Variants in ZFAND3 observed in about 807,000 individuals in gnomAD.
The protein encoded by ZFAND3 is AN1-type zinc finger protein 3.
Under a neutral mutation model 29.6 loss-of-function variants are expected in ZFAND3, and 10 were observed. The observed-to-expected ratio is 0.34, with a 90% CI of 0.21 to 0.57. ZFAND3 has a LOEUF of 0.57. Ranked by LOEUF, ZFAND3 falls within the 20% of genes least tolerant of loss-of-function variation. The pLI is 0.86. For synonymous variants in ZFAND3, 128 were observed against 112.6 expected (o/e 1.14, Z -0.87); for missense variants, 230 against 304.5 (o/e 0.76, Z 1.82).
intron 2 of ZFAND3, among the ~76,000 whole-genome samples, chr6:38,002,592 A>G (rs1762969485): frequency 6.6e-6 from 1 of 152,070 alleles, no homozygotes; most frequent in Non-Finnish European, 1.5e-5. Context: ...TGGGAGAATC[A>G]CTTGAGCCCA....
chr6:37,952,518 A>AT (rs1368896693), intron 2 of ZFAND3, among the ~76,000 whole-genome samples: 6 of 151,462 alleles, frequency 4.0e-5, no homozygotes, highest in East Asian at 1.9e-4. Context: ...GTCTCTGATA[A>AT]TTTTTTTTTA....
chr6:37,910,136 A>C (rs1765493501), intron 1 of ZFAND3, among the ~76,000 whole-genome samples: 1 of 152,224 alleles, frequency 6.6e-6, no homozygotes, highest in Non-Finnish European at 1.5e-5. Context: ...GCATAGTAGA[A>C]TGTGGCCTCT....
intron 4 of ZFAND3, among the ~76,000 whole-genome samples, chr6:38,109,346 A>G (rs1321614349): frequency 6.6e-6 from 1 of 151,734 alleles, no homozygotes. Flanking sequence ...CTACCAGCTG[A>G]TTTTTGTATT....
chr6:37,857,369 A>G (rs1451523521), intron 1 of ZFAND3, among the ~76,000 whole-genome samples: 1 of 152,224 alleles, frequency 6.6e-6, no homozygotes, highest in African/African-American at 2.4e-5. Flanking sequence ...TGAAGCGAAT[A>G]CAAGTGAGTC....
chr6:38,061,742 GAACTGAATGT>G lies in ZFAND3; in HGVS notation c.267_276del (p.Asn90HisfsTer18). On this transcript the variant is annotated frameshift_variant, in exon 3 of 6. Coordinates refer to ENST00000287218, the MANE Select transcript of ZFAND3 (RefSeq NM_021943.3). LOFTEE classifies it high-confidence loss of function. ...TCCCAGCCAGCAGCCGCTTCCGACA[GAACTGAATGT>G]AACTTCACCGAGTAAAGAGGAGTGT... The G allele has an allele frequency of 6.2e-7, 1 of 1,614,118 alleles. No individual in the cohort carries two copies.
chr6:38,106,012 C>G (rs1765200064), intron 4 of ZFAND3, among the ~76,000 whole-genome samples: 1 of 152,142 alleles, frequency 6.6e-6, no homozygotes, highest in East Asian at 1.9e-4. Context: ...AGACAGACAA[C>G]AGCTTCATTT....
intron 5 of ZFAND3, among the ~76,000 whole-genome samples, chr6:38,126,301 G>T (rs909008563): frequency 6.6e-6 from 1 of 152,116 alleles, no homozygotes. Context: ...TTATCCATTT[G>T]CCAGTCGACA....
chr6:38,141,396 C>T (rs892973109), intron 5 of ZFAND3, among the ~76,000 whole-genome samples: 7 of 152,214 alleles, frequency 4.6e-5, no homozygotes, highest in Non-Finnish European at 8.8e-5. Flanking sequence ...TTGCAGAATA[C>T]TCAGCTGTAC....
In ZFAND3 at chr6:38,061,615, C is replaced by T. The variant is rs779516347; in HGVS notation, c.135C>T (p.Asp45=). The T allele has an allele frequency of 3.1e-6, 5 of 1,614,020 alleles. No individual in the cohort carries two copies. The highest frequency in any genetic ancestry group is 2.2e-5 in the East Asian group (1 of 44,890). The stretch of plus-strand genomic sequence containing the variant: ...CAGATTTTCAAAAGAAACAGCCAGA[C>T]GATGATTCCGCTCCAAGTACAAGTA... The part of the protein sequence containing the change: ...CFADFQKKQP[D]DDSAPSTSNS... Residue 45 remains aspartate (D), a synonymous_variant, in exon 3 of 6, where the codon GAC becomes GAT. Transcript: ENST00000287218.
chr6:38,080,139 C>T (rs1051750602), intron 3 of ZFAND3, among the ~76,000 whole-genome samples: 1 of 150,880 alleles, frequency 6.6e-6, no homozygotes, highest in African/African-American at 2.4e-5. Context: ...GGGAACATCA[C>T]ACACCAGAGC....
chr6:37,975,892 A>G (rs1762469179), intron 2 of ZFAND3, among the ~76,000 whole-genome samples: 1 of 152,144 alleles, frequency 6.6e-6, no homozygotes, highest in Non-Finnish European at 1.5e-5. Flanking sequence ...GAGTTTTAGC[A>G]TCAGTTTGTC....
intron 1 of ZFAND3, among the ~76,000 whole-genome samples, chr6:37,885,727 A>C (rs1764978327): frequency 6.6e-6 from 1 of 152,158 alleles, no homozygotes. Flanking sequence ...GTTGATGTCC[A>C]AAATTATTTC....
chr6:37,870,062 C>T (rs924852851), intron 1 of ZFAND3, among the ~76,000 whole-genome samples: 17 of 152,022 alleles, frequency 1.1e-4, no homozygotes, highest in South Asian at 4.2e-4. Flanking sequence ...CCACAAATTT[C>T]GGTACGTTGT....
At chr6:38,126,591 G>A (rs756001242) in intron 5 of ZFAND3, among the ~76,000 whole-genome samples, 2 of 152,136 alleles carry the variant, frequency 1.3e-5, no homozygotes, top group Non-Finnish European at 2.9e-5. Context: ...AGGTATTCTA[G>A]TGGCTGTGTA....
In ZFAND3 at chr6:37,884,027, A is replaced by C. The variant is rs1404873312; in HGVS notation, c.72-45932A>C. On this transcript the variant is annotated intron_variant, in intron 1 of 5. Transcript: ENST00000287218. The stretch of plus-strand genomic sequence containing the variant: ...AGGGCCCTAGAGCTCCTGGGTAGGG[A>C]AAGATGTCTAGAGTTCTGATGTATG... Among the ~76,000 whole-genome samples, 2 of 145,230 alleles carry C rather than the reference A, an allele frequency of 1.4e-5. 1 individual carries two copies. The highest frequency in any genetic ancestry group is 3.0e-5 in the Non-Finnish European group (2 of 67,474).
intron 1 of ZFAND3, among the ~76,000 whole-genome samples, chr6:37,824,430 TATAAGA>T (rs1405169553): frequency 6.6e-6 from 1 of 152,198 alleles, no homozygotes; most frequent in Non-Finnish European, 1.5e-5. Context: ...GAAAAATAAG[TATAAGA>T]ATATAGTATG....
At chr6:38,122,445 A>G (rs947692669) in intron 5 of ZFAND3, among the ~76,000 whole-genome samples, 8 of 152,216 alleles carry the variant, frequency 5.3e-5, no homozygotes, top group Admixed American at 2.0e-4. Flanking sequence ...ACCCATGGAT[A>G]TGGACAACCG....
intron 4 of ZFAND3, among the ~76,000 whole-genome samples, chr6:38,110,494 A>G (rs1765294102): frequency 6.6e-6 from 1 of 152,096 alleles, no homozygotes; most frequent in Admixed American, 6.6e-5. Context: ...AGAGTGTGGT[A>G]TTTTTCGTGG....
At chr6:37,988,910 A>G (rs554909784) in intron 2 of ZFAND3, among the ~76,000 whole-genome samples, 3 of 146,322 alleles carry the variant, frequency 2.1e-5, no homozygotes, top group Non-Finnish European at 3.0e-5. Flanking sequence ...ATTTAGCTGA[A>G]TTTTTTTTTT....
Sources: allele counts gnomAD v4.1 joint callset (sites outside exome capture counted in the v4.1 genomes callset), GRCh38; gene constraint gnomAD v4.1.1; transcripts MANE v1.5; gene names NCBI Gene and HGNC (gene_info 2026-07-23, HGNC 2026-07-21).